Variants in GNA12 observed in about 807,000 individuals in gnomAD.
The protein encoded by GNA12 is guanine nucleotide-binding protein subunit alpha-12.
A neutral mutation model predicts 26.0 loss-of-function variants in GNA12; 9 were observed. The ratio of observed to expected loss-of-function variants is 0.35; its 90% CI spans 0.21 to 0.60. GNA12 has a LOEUF of 0.60. Ranked by LOEUF, GNA12 falls within the 20% of genes least tolerant of loss-of-function variation. The pLI, the probability that GNA12 is intolerant of heterozygous loss-of-function variation, is 0.78. For missense variants in GNA12, 405 were observed against 525.8 expected (o/e 0.77, Z 2.25); for synonymous variants, 264 against 219.6 (o/e 1.20, Z -1.79).
At chr7:2,776,386 G>T (rs1792076952) in intron 2 of GNA12, among the ~76,000 whole-genome samples, 1 of 152,176 alleles carries the variant, frequency 6.6e-6, no homozygotes. Context: ...TCAGACCAGG[G>T]GACACACTGT....
rs527950985 is a variant in GNA12, at chr7:2,811,766, G to A, written c.310-16623C>T. ...TCTCTGATGTTGCCATGTCTTCCCT[G>A]CGGCACGGACGCTGCTGAAACTGGT... is the stretch of plus-strand genomic sequence containing the variant. On this transcript the variant is annotated intron_variant, in intron 1 of 3. Coordinates refer to ENST00000275364, the MANE Select transcript of GNA12 (RefSeq NM_007353.3). Among the ~76,000 whole-genome samples the A allele has an allele frequency of 8.5e-5, 13 of 152,292 alleles. No homozygotes were observed. In the South Asian group the frequency reaches 2.7e-3, roughly 32 times the overall value.
At chr7:2,786,369 C>G (rs575993030) in intron 2 of GNA12, among the ~76,000 whole-genome samples, 1 of 152,176 alleles carries the variant, frequency 6.6e-6, no homozygotes, top group South Asian at 2.1e-4. Flanking sequence ...GGCGATAAGA[C>G]TGGTACGAAT....
chr7:2,824,403 G>C (rs925310220), intron 1 of GNA12, among the ~76,000 whole-genome samples: 1 of 152,118 alleles, frequency 6.6e-6, no homozygotes, highest in East Asian at 1.9e-4. Context: ...CTCTGGGTCT[G>C]CGGAGGCCTC....
intron 2 of GNA12, among the ~76,000 whole-genome samples, chr7:2,736,656 G>A (rs1790193956): frequency 6.6e-6 from 1 of 152,236 alleles, no homozygotes; most frequent in African/African-American, 2.4e-5. Flanking sequence ...CGCCCATGAG[G>A]AGACCGCCTT....
chr7:2,830,290 T>C (rs1197391032), intron 1 of GNA12, among the ~76,000 whole-genome samples: 1 of 152,230 alleles, frequency 6.6e-6, no homozygotes, highest in Non-Finnish European at 1.5e-5. Context: ...CGAGTCTCAA[T>C]ATTTCTTCCT....
chr7:2,827,826 T>A (rs1231036813), intron 1 of GNA12, among the ~76,000 whole-genome samples: 1 of 152,198 alleles, frequency 6.6e-6, no homozygotes, highest in African/African-American at 2.4e-5. Flanking sequence ...TCGCGCAAAT[T>A]TTTTTAGAAG....
chr7:2,795,653 G>C (rs1225174244), intron 1 of GNA12, among the ~76,000 whole-genome samples: 3 of 147,928 alleles, frequency 2.0e-5, no homozygotes, highest in African/African-American at 7.5e-5. Flanking sequence ...AAAGAAAAAA[G>C]AAAAAAAAGA....
chr7:2,810,752 T>A (rs181088151), intron 1 of GNA12, among the ~76,000 whole-genome samples: 2 of 152,014 alleles, frequency 1.3e-5, no homozygotes, highest in African/African-American at 4.8e-5. Context: ...ATTAGGTGGG[T>A]ATGAGCATGG....
intron 2 of GNA12, among the ~76,000 whole-genome samples, chr7:2,765,615 G>T (rs548947285): frequency 3.6e-4 from 52 of 145,968 alleles, no homozygotes; most frequent in South Asian, 8.7e-4. Context: ...TCCTGTGTTT[G>T]TTTTTTTTTT....
intron 1 of GNA12, among the ~76,000 whole-genome samples, chr7:2,833,499 T>C (rs1286160053): frequency 6.6e-6 from 1 of 152,172 alleles, no homozygotes. Context: ...CCCCTAATTA[T>C]TTCGTTAAGA....
At chr7:2,778,065 G>A (rs986098057) in intron 2 of GNA12, among the ~76,000 whole-genome samples, 1 of 152,136 alleles carries the variant, frequency 6.6e-6, no homozygotes, top group Non-Finnish European at 1.5e-5. Context: ...GCTCAAACAC[G>A]AGCTACACTA....
At chr7:2,733,567 G>A in intron 2 of GNA12, 66 bp from the exon 3 acceptor site, 3 of 1,262,248 alleles carry the variant, frequency 2.4e-6, no homozygotes, top group Non-Finnish European at 3.5e-6. Flanking sequence ...GCAAATACAA[G>A]AACTGAACAG....
chr7:2,842,835 C>G (rs1779038090), intron 1 of GNA12, among the ~76,000 whole-genome samples: 1 of 152,210 alleles, frequency 6.6e-6, no homozygotes, highest in African/African-American at 2.4e-5. Flanking sequence ...TCATATACAT[C>G]CTAAAACGTT....
At chr7:2,765,543 T>C (rs771498900) in intron 2 of GNA12, among the ~76,000 whole-genome samples, 2 of 152,018 alleles carry the variant, frequency 1.3e-5, no homozygotes, top group Non-Finnish European at 2.9e-5. Flanking sequence ...TTCCTAATCC[T>C]GTGACTCCAA....
At chr7:2,794,452 C>T (rs1426245277) in intron 2 of GNA12, among the ~76,000 whole-genome samples, 5 of 152,142 alleles carry the variant, frequency 3.3e-5, no homozygotes, top group East Asian at 3.8e-4. Flanking sequence ...ATCTAAATAA[C>T]TGGGCTTTGT....
intron 1 of GNA12, among the ~76,000 whole-genome samples, chr7:2,839,929 C>T (rs1434446445): frequency 2.0e-5 from 3 of 152,174 alleles, no homozygotes; most frequent in East Asian, 1.9e-4. Flanking sequence ...AACCCCGGGG[C>T]GGAGGTTGCA....
At chr7:2,742,014 G>A (rs1583220302) in intron 2 of GNA12, among the ~76,000 whole-genome samples, 1 of 151,518 alleles carries the variant, frequency 6.6e-6, no homozygotes, top group African/African-American at 2.4e-5. Flanking sequence ...TGAAACACTT[G>A]AATTTTTTTA....
intron 2 of GNA12, among the ~76,000 whole-genome samples, chr7:2,771,302 A>G (rs560113076): frequency 6.6e-6 from 1 of 152,046 alleles, no homozygotes; most frequent in Admixed American, 6.6e-5. Context: ...CTCAAAAAAA[A>G]CCAAAAAACC....
intron 1 of GNA12, among the ~76,000 whole-genome samples, chr7:2,830,813 G>A (rs1021321795): frequency 6.6e-6 from 1 of 152,082 alleles, no homozygotes; most frequent in Non-Finnish European, 1.5e-5. Flanking sequence ...ATGGCGGTGT[G>A]CACCTGTGTC....
Sources: gnomAD v4.1 joint callset for allele counts (sites outside exome capture counted in the v4.1 genomes callset) on GRCh38, gnomAD v4.1.1 for gene constraint, MANE v1.5 for transcripts, NCBI Gene and HGNC (gene_info 2026-07-23, HGNC 2026-07-21) for gene names.